The following NDST4 variants were observed in gnomAD, a reference collection of about 807,000 sequenced individuals.
The protein encoded by NDST4 is N-deacetylase and N-sulfotransferase 4, also known as N-heparan sulfate sulfotransferase 4.
In NDST4, 63 loss-of-function variants were observed where a neutral mutation model predicts 100.8. The ratio of observed to expected loss-of-function variants is 0.62; its 90% CI spans 0.51 to 0.77. NDST4 has a LOEUF of 0.77. Among genes scored for constraint, NDST4 ranks in the 30% least tolerant of loss-of-function variants. The pLI is 0.00. For synonymous variants in NDST4, 377 were observed against 361.8 expected, an observed-to-expected ratio of 1.04 and a Z score of -0.48; for missense variants, 943 against 1,018.4, an observed-to-expected ratio of 0.93 and a Z score of 1.01.
chr4:114,839,457 G>A lies in NDST4; in HGVS notation c.2207C>T (p.Thr736Ile). Residue 736 changes from threonine to isoleucine, a missense_variant, in exon 11 of 14, where the codon ACT (threonine) becomes ATT (isoleucine). This residue lies in a region of NDST4 where 526 missense variants were observed against 634.1 expected (regional missense o/e 0.83). Coordinates refer to ENST00000264363, the MANE Select transcript of NDST4 (RefSeq NM_022569.3). ...AGGTACTAGGCATCTTCTCTGCAAA[G>A]TTTTTAAGTCAGATGGAGCCCAATG... is the stretch of plus-strand genomic sequence containing the variant. Reference protein sequence around the residue: ...TGHWAPSDLKTLQRRCLVPGW... With the variant: ...TGHWAPSDLKILQRRCLVPGW... 1 of 1,614,020 alleles carries A rather than the reference G, an allele frequency of 6.2e-7. No homozygotes were observed. Among genetic ancestry groups the A allele is most frequent in the Non-Finnish European group, 8.5e-7 (1 of 1,179,916 alleles).
intron 1 of NDST4, among the ~76,000 whole-genome samples, chr4:115,109,165 A>AAAGAAAGAG (rs1222640773): frequency 4.0e-5 from 6 of 151,766 alleles, no homozygotes; most frequent in Non-Finnish European, 2.9e-5. Flanking sequence ...AAAATGAGTA[A>AAAGAAAGAG]AAGAAAGAGA....
chr4:114,905,238 C>A (rs1373953256), intron 6 of NDST4, among the ~76,000 whole-genome samples: 1 of 145,134 alleles, frequency 6.9e-6, no homozygotes, highest in African/African-American at 2.8e-5. Context: ...TTCCCTGGAC[C>A]AGTTCATTGC....
intron 6 of NDST4, among the ~76,000 whole-genome samples, chr4:114,884,472 G>A (rs17047463): frequency 0.024 from 3,728 of 152,222 alleles, 167 homozygotes; most frequent in African/African-American, 0.085. Context: ...AGGTTTCAAT[G>A]TAGCACATGT....
chr4:115,043,156 A>C (rs1426548647), intron 2 of NDST4, among the ~76,000 whole-genome samples: 1 of 151,914 alleles, frequency 6.6e-6, no homozygotes, highest in Non-Finnish European at 1.5e-5. Context: ...TCAAAGTAAT[A>C]TATACATCAA....
intron 2 of NDST4, among the ~76,000 whole-genome samples, chr4:115,018,455 C>A (rs939537426): frequency 6.6e-6 from 1 of 151,808 alleles, no homozygotes; most frequent in Non-Finnish European, 1.5e-5. Flanking sequence ...TGTGTGTTTT[C>A]TTTGCAAACA....
chr4:114,959,680 G>A (rs912283285), intron 4 of NDST4, among the ~76,000 whole-genome samples: 3 of 152,036 alleles, frequency 2.0e-5, no homozygotes. Context: ...AGAAATTTGA[G>A]CTAACAGAAG....
At chr4:115,096,247 A>C (rs915643744) in intron 1 of NDST4, among the ~76,000 whole-genome samples, 2 of 127,486 alleles carry the variant, frequency 1.6e-5, no homozygotes, top group Admixed American at 1.5e-4. Context: ...CTGTCCACCA[A>C]ATCTACACTT....
rs138159521 is a variant in NDST4 at position 115,021,134 on chromosome 4, G to A, written c.979-43860C>T. 2.3e-3 allele frequency among the ~76,000 whole-genome samples: 350 copies of A among 151,850 alleles called. 1 individual carries two copies. The highest frequency in any genetic ancestry group is 8.1e-3 in the African/African-American group (334 of 41,446). ...ACACATGTTTATAGCAGCACAATTC[G>A]CAGTTGCAAATGTTGAACCAATCTA... On this transcript the variant is annotated intron_variant, in intron 2 of 13. Coordinates refer to ENST00000264363, the MANE Select transcript of NDST4 (RefSeq NM_022569.3).
intron 2 of NDST4, among the ~76,000 whole-genome samples, chr4:115,069,855 C>G (rs999053701): frequency 6.6e-6 from 1 of 152,106 alleles, no homozygotes; most frequent in African/African-American, 2.4e-5. Context: ...TGCACCCCCA[C>G]CTGGGTGACA....
At position 115,001,443 on chromosome 4, in the gene NDST4, C is replaced by T. The variant is rs755286350; in HGVS notation, c.979-24169G>A. ...ACCTAGACTATCAGAGCTTGTTCTG[C>T]CCCCTGTTAGGAGATTCATGGGTTT... On this transcript the variant is annotated intron_variant, in intron 2 of 13. Coordinates refer to ENST00000264363, the MANE Select transcript of NDST4 (RefSeq NM_022569.3). Among the ~76,000 whole-genome samples, 75 of 151,962 alleles carry T rather than the reference C, an allele frequency of 4.9e-4. 1 individual carries two copies. The highest frequency in any genetic ancestry group is 9.6e-4 in the Non-Finnish European group (65 of 67,956).
chr4:114,996,603 T>G (rs2126254002), intron 2 of NDST4, among the ~76,000 whole-genome samples: 1 of 152,218 alleles, frequency 6.6e-6, no homozygotes, highest in South Asian at 2.1e-4. Context: ...AGGTTCTAGC[T>G]TCTGCATCAA....
At chr4:114,950,600 C>T (rs934802128) in intron 4 of NDST4, among the ~76,000 whole-genome samples, 2 of 152,036 alleles carry the variant, frequency 1.3e-5, no homozygotes, top group African/African-American at 2.4e-5. Flanking sequence ...CAGGCTAAAT[C>T]CCACAGGCAG....
At chr4:114,855,986 C>A (rs1029408578) in intron 7 of NDST4, among the ~76,000 whole-genome samples, 25 of 152,186 alleles carry the variant, frequency 1.6e-4, no homozygotes, top group African/African-American at 5.5e-4. Flanking sequence ...AGTGTTGACA[C>A]TCAAATTACT....
chr4:115,035,497 G>A (rs1728214015), intron 2 of NDST4, among the ~76,000 whole-genome samples: 1 of 151,984 alleles, frequency 6.6e-6, no homozygotes, highest in South Asian at 2.1e-4. Flanking sequence ...ACAAGGGGAA[G>A]TAGGAATAAT....
chr4:114,992,757 G>T (rs1727069675), intron 2 of NDST4, among the ~76,000 whole-genome samples: 1 of 151,740 alleles, frequency 6.6e-6, no homozygotes, highest in Admixed American at 6.6e-5. Flanking sequence ...TTATTTCACA[G>T]ATAAGTTTTA....
intron 4 of NDST4, among the ~76,000 whole-genome samples, chr4:114,947,078 A>G (rs1480755784): frequency 6.6e-6 from 1 of 152,048 alleles, no homozygotes; most frequent in Non-Finnish European, 1.5e-5. Flanking sequence ...GGTATAGAAG[A>G]GTAGGATTAT....
chr4:114,986,832 A>ATATATTT, intron 2 of NDST4, among the ~76,000 whole-genome samples: 1 of 94,664 alleles, frequency 1.1e-5, no homozygotes, highest in Non-Finnish European at 2.2e-5. Context: ...ATATATATAT[A>ATATATTT]TTTTAATATA....
At chr4:115,004,469 C>T (rs2126257323) in intron 2 of NDST4, among the ~76,000 whole-genome samples, 1 of 152,210 alleles carries the variant, frequency 6.6e-6, no homozygotes, top group South Asian at 2.1e-4. Flanking sequence ...CTTTATTTCC[C>T]AAGTCTTAAG....
At chr4:115,110,667 T>G (rs1729935568) in intron 1 of NDST4, among the ~76,000 whole-genome samples, 1 of 151,960 alleles carries the variant, frequency 6.6e-6, no homozygotes, top group Non-Finnish European at 1.5e-5. Flanking sequence ...TCATCGTTAT[T>G]TCTTTTTCTT....
Sources: allele counts gnomAD v4.1 joint callset (sites outside exome capture counted in the v4.1 genomes callset), GRCh38; gene constraint gnomAD v4.1.1; regional missense constraint gnomAD v4.1.1; transcripts MANE v1.5; gene names NCBI Gene and HGNC (gene_info 2026-07-23, HGNC 2026-07-21).